Variants in NSMCE3 observed in about 807,000 individuals in gnomAD.
NSMCE3 encodes the protein NSE3 component of SMC5/6 complex.
For missense variants in NSMCE3, 452 were observed against 399.5 expected (o/e 1.13, Z -1.12); for synonymous variants, 214 against 172.2 (o/e 1.24, Z -1.90).
rs1596141631 is a variant in NSMCE3, at chr15:29,265,747, T to C, written c.*3044A>G. On this transcript the variant is annotated 3_prime_UTR_variant, in exon 1 of 1. Coordinates refer to ENST00000332303, the MANE Select transcript of NSMCE3 (RefSeq NM_138704.4). ...TACATGGGACATTGCTACAAAATAC[T>C]GAGTGTCATAAATCAGTGTGGAAAG... The C allele has an allele frequency of 6.6e-6, 1 of 152,324 alleles. No individual in the cohort carries two copies. Among genetic ancestry groups the C allele is most frequent in the East Asian group, 1.9e-4 (1 of 5,186 alleles). The allele number at this position is 152,324 out of a possible 1,614,324, so 9.4% of individuals were successfully genotyped here. A position where few individuals can be genotyped will look rare whatever the true frequency, so the allele number is the denominator to read the frequency against.
chr15:29,268,420 G>T lies in NSMCE3; in HGVS notation c.*371C>A. On this transcript the variant is annotated 3_prime_UTR_variant, in exon 1 of 1. Transcript: ENST00000332303. Reference sequence around the variant, plus strand: ...AAACTTTTATTTTTCCTTACAAACTGGGGTAGTTAGGAGACCTGATAATAG... The same window carrying T: ...AAACTTTTATTTTTCCTTACAAACTTGGGTAGTTAGGAGACCTGATAATAG... 4.6e-6 allele frequency: 1 copy of T among 217,952 alleles called. No homozygotes were observed. The allele number at this position is 217,952 out of a possible 1,614,324, so 13.5% of individuals were successfully genotyped here. A position where few individuals can be genotyped will look rare whatever the true frequency, so the allele number is the denominator to read the frequency against.
Position 29,268,740 on chromosome 15 carries a change from G to A in NSMCE3, c.*51C>T, listed in dbSNP as rs1397899714. The stretch of plus-strand genomic sequence containing the variant: ...CTCCCTTCCCCCAATCCTCTAAACT[G>A]TGCCTTTGGGTCTCAGACCCTTGTC... On this transcript the variant is annotated 3_prime_UTR_variant, in exon 1 of 1. Transcript: ENST00000332303. The A allele has an allele frequency of 1.3e-6, 2 of 1,538,224 alleles. No individual in the cohort carries two copies. The highest frequency in any genetic ancestry group is 8.8e-7 in the Non-Finnish European group (1 of 1,142,658).
chr15:29,269,719 G>A lies in NSMCE3; in HGVS notation c.-14C>T, dbSNP rs2153042524. On this transcript the variant is annotated 5_prime_UTR_variant, in exon 1 of 1. Transcript: ENST00000332303. The stretch of plus-strand genomic sequence containing the variant: ...TTTTTGCAACATGTCTCCGGCGGCA[G>A]GTGCCGGCGCACACTCCGGTAGGCA... 1.3e-6 allele frequency: 2 copies of A among 1,508,488 alleles called. No individual in the cohort carries two copies. Among genetic ancestry groups the A allele is most frequent in the Non-Finnish European group, 1.8e-6 (2 of 1,137,624 alleles). 93.4% of individuals were successfully genotyped at this position (1,508,488 alleles called of 1,614,324 possible).
chr15:29,266,370 C>CTA lies in NSMCE3; in HGVS notation c.*2420_*2421insTA, dbSNP rs1440293632. ...GTATAAAATGTTGATGGGAGTGTAA[C>CTA]TTGACACAAGCTCAAGAGCAGCTTG... On this transcript the variant is annotated 3_prime_UTR_variant, in exon 1 of 1. Coordinates refer to ENST00000332303, the MANE Select transcript of NSMCE3 (RefSeq NM_138704.4). 1 of 152,214 alleles carries CTA rather than the reference C, an allele frequency of 6.6e-6. No homozygotes were observed. Among genetic ancestry groups the CTA allele is most frequent in the African/African-American group, 2.4e-5 (1 of 41,446 alleles). 9.4% of individuals were successfully genotyped at this position (152,214 alleles called of 1,614,324 possible).
chr15:29,269,816 T>A lies in NSMCE3; in HGVS notation c.-111A>T. 1 of 1,019,678 alleles carries A rather than the reference T, an allele frequency of 9.8e-7. No homozygotes were observed. The highest frequency in any genetic ancestry group is 1.3e-6 in the Non-Finnish European group (1 of 747,132). 63.2% of individuals were successfully genotyped at this position (1,019,678 alleles called of 1,614,324 possible). ...GCCTGGAGGCGCGCGCAGTGTCGGC[T>A]GAGACTGCGTGCTGCGTCATGAAGC... On this transcript the variant is annotated 5_prime_UTR_variant, in exon 1 of 1. Transcript: ENST00000332303.
At position 29,267,907 on chromosome 15, in the gene NSMCE3, C is replaced by G. The variant is rs1385731525; in HGVS notation, c.*884G>C. 6.6e-6 allele frequency: 1 copy of G among 152,178 alleles called. No individual in the cohort carries two copies. The highest frequency in any genetic ancestry group is 1.9e-4 in the East Asian group (1 of 5,200). 9.4% of individuals were successfully genotyped at this position (152,178 alleles called of 1,614,324 possible). On this transcript the variant is annotated 3_prime_UTR_variant, in exon 1 of 1. Transcript: ENST00000332303. Reference sequence around the variant, plus strand: ...ATACTAGTTATGGTGGGGCCAGGATCTCAACCCAGACAGTCCGATTCCCAA... The same window carrying G: ...ATACTAGTTATGGTGGGGCCAGGATGTCAACCCAGACAGTCCGATTCCCAA...
chr15:29,269,791 G>T lies in NSMCE3; in HGVS notation c.-86C>A, dbSNP rs574534973. 20 of 1,255,190 alleles carry T rather than the reference G, an allele frequency of 1.6e-5. No individual in the cohort carries two copies. The highest frequency in any genetic ancestry group is 1.9e-5 in the Non-Finnish European group (18 of 957,958). 77.8% of individuals were successfully genotyped at this position (1,255,190 alleles called of 1,614,324 possible). A position where few individuals can be genotyped will look rare whatever the true frequency, so the allele number is the denominator to read the frequency against. ...GGGTCGGCGACCCGCTAACGCCGGT[G>T]CCTGGAGGCGCGCGCAGTGTCGGCT... On this transcript the variant is annotated 5_prime_UTR_variant, in exon 1 of 1. Transcript: ENST00000332303.
In NSMCE3 at chr15:29,267,167, TCA is replaced by T. The variant is rs2043497111; in HGVS notation, c.*1622_*1623del. 1 of 152,210 alleles carries T rather than the reference TCA, an allele frequency of 6.6e-6. No homozygotes were observed. Among genetic ancestry groups the T allele is most frequent in the Admixed American group, 6.5e-5 (1 of 15,286 alleles). 9.4% of individuals were successfully genotyped at this position (152,210 alleles called of 1,614,324 possible). A position where few individuals can be genotyped will look rare whatever the true frequency, so the allele number is the denominator to read the frequency against. On this transcript the variant is annotated 3_prime_UTR_variant, in exon 1 of 1. Coordinates refer to ENST00000332303, the MANE Select transcript of NSMCE3 (RefSeq NM_138704.4). The stretch of plus-strand genomic sequence containing the variant: ...AGTAACCTATCACATTCCTCCATAC[TCA>T]CTATAGACTCTTTTAAATGACATTC...
Position 29,265,959 on chromosome 15 carries a change from A to T in NSMCE3, c.*2832T>A, listed in dbSNP as rs1295552308. On this transcript the variant is annotated 3_prime_UTR_variant, in exon 1 of 1. Coordinates refer to ENST00000332303, the MANE Select transcript of NSMCE3 (RefSeq NM_138704.4). The stretch of plus-strand genomic sequence containing the variant: ...TAGGATTAGGGGAATTTTTTAAAGC[A>T]CTATACACAAATGTAGCTCTTATAA... 6.6e-6 allele frequency: 1 copy of T among 152,238 alleles called. No homozygotes were observed. Among genetic ancestry groups the T allele is most frequent in the Non-Finnish European group, 1.5e-5 (1 of 68,042 alleles). The allele number at this position is 152,238 out of a possible 1,614,324, so 9.4% of individuals were successfully genotyped here.
In NSMCE3 at chr15:29,268,798, G is replaced by C; in HGVS notation, c.908C>G (p.Ser303Cys). ...ARPQPSGPAP[S>C]S The stretch of plus-strand genomic sequence containing the variant: ...TCCCTCTGAATCCACCTTTCAAGAG[G>C]ATGGAGCTGGGCCACTAGGCTGAGG... Residue 303 changes from serine to cysteine, a missense_variant, in exon 1 of 1, where the codon TCC (serine) becomes TGC (cysteine). Ser to Cys is a moderately radical substitution (Grantham distance 112). Transcript: ENST00000332303. 6.2e-7 allele frequency: 1 copy of C among 1,605,724 alleles called. No homozygotes were observed. The highest frequency in any genetic ancestry group is 8.5e-7 in the Non-Finnish European group (1 of 1,174,476).
rs756181366 is a variant in NSMCE3, at chr15:29,269,412, A to G, written c.294T>C (p.Ile98=). The G allele has an allele frequency of 6.2e-7, 1 of 1,614,052 alleles. No homozygotes were observed. Among genetic ancestry groups the G allele is most frequent in the African/African-American group, 1.3e-5 (1 of 75,024 alleles). ...TGATCGGAATCTTCTTCTGGTCTTT[A>G]ATCAGCAAGAACTGCACCAGCTCGG... The part of the protein sequence containing the change: ...KVSELVQFLL[I]KDQKKIPIKR... Residue 98 remains isoleucine, a synonymous_variant, in exon 1 of 1, where the codon ATT becomes ATC. Coordinates refer to ENST00000332303, the MANE Select transcript of NSMCE3 (RefSeq NM_138704.4).
Position 29,265,567 on chromosome 15 carries a change from A to T in NSMCE3, c.*3224T>A, listed in dbSNP as rs957145391. The T allele has an allele frequency of 6.6e-6, 1 of 152,290 alleles. No homozygotes were observed. The highest frequency in any genetic ancestry group is 2.4e-5 in the African/African-American group (1 of 41,464). 9.4% of individuals were successfully genotyped at this position (152,290 alleles called of 1,614,324 possible). A position where few individuals can be genotyped will look rare whatever the true frequency, so the allele number is the denominator to read the frequency against. ...GGCAGGAGAATCGCTTGAATCCAGG[A>T]GGCAGAGATTGCACTGAGCCAAGAT... On this transcript the variant is annotated 3_prime_UTR_variant, in exon 1 of 1. Transcript: ENST00000332303.
chr15:29,269,753 C>T lies in NSMCE3; in HGVS notation c.-48G>A. 7.1e-7 allele frequency: 1 copy of T among 1,417,666 alleles called. No homozygotes were observed. Among genetic ancestry groups the T allele is most frequent in the Admixed American group, 3.5e-5 (1 of 28,602 alleles). 87.8% of individuals were successfully genotyped at this position (1,417,666 alleles called of 1,614,324 possible). The stretch of plus-strand genomic sequence containing the variant: ...GCACACTCCGGTAGGCAAGCAGCCG[C>T]GGCGGGGATTGCGGGTCGGCGACCC... On this transcript the variant is annotated 5_prime_UTR_variant, in exon 1 of 1. Coordinates refer to ENST00000332303, the MANE Select transcript of NSMCE3 (RefSeq NM_138704.4).
At position 29,265,889 on chromosome 15, in the gene NSMCE3, C is replaced by T. The variant is rs2153041286; in HGVS notation, c.*2902G>A. On this transcript the variant is annotated 3_prime_UTR_variant, in exon 1 of 1. Transcript: ENST00000332303. ...AAAGCATAAAATGTGAAGATCAAAA[C>T]TTTGAACACTTAGGGAAAAAAGGCA... 1 of 152,228 alleles carries T rather than the reference C, an allele frequency of 6.6e-6. No homozygotes were observed. Among genetic ancestry groups the T allele is most frequent in the South Asian group, 2.1e-4 (1 of 4,826 alleles). 9.4% of individuals were successfully genotyped at this position (152,228 alleles called of 1,614,324 possible).
chr15:29,269,512 G>A lies in NSMCE3; in HGVS notation c.194C>T (p.Pro65Leu), dbSNP rs776727229. 8.1e-6 allele frequency: 13 copies of A among 1,595,116 alleles called. No individual in the cohort carries two copies. The African/African-American group carries it at 1.2e-4, about 15-fold the overall frequency. Reference protein sequence around the residue: ...GGSQGSQGPSPQGARRAQAAP... With the variant: ...GGSQGSQGPSLQGARRAQAAP... ...GGCCTGGGCCCGGCGGGCGCCCTGA[G>A]GCGAGGGGCCCTGCGACCCCTGCGA... is the stretch of plus-strand genomic sequence containing the variant. Residue 65 changes from proline (P) to leucine (L), a missense_variant, in exon 1 of 1, where the codon CCT (proline) becomes CTT (leucine). Physicochemically the swap from Pro to Leu is moderately conservative, Grantham distance 98. Coordinates refer to ENST00000332303, the MANE Select transcript of NSMCE3 (RefSeq NM_138704.4).
chr15:29,269,436 G>A lies in NSMCE3; in HGVS notation c.270C>T (p.Ser90=), dbSNP rs769198016. 4.3e-6 allele frequency: 7 copies of A among 1,614,056 alleles called. No homozygotes were observed. Among genetic ancestry groups the A allele is most frequent in the Admixed American group, 1.7e-5 (1 of 60,028 alleles). ...RSQKQLELKV[S]ELVQFLLIKD... ...TAATCAGCAAGAACTGCACCAGCTC[G>A]GACACTTTCAGCTCCAGCTGCTTCT... is the stretch of plus-strand genomic sequence containing the variant. The change falls in exon 1 of 1, where the codon TCC becomes TCT. Residue 90 remains serine (S), a synonymous_variant. Transcript: ENST00000332303.
In NSMCE3 at chr15:29,267,969, G is replaced by A. The variant is rs1247489240; in HGVS notation, c.*822C>T. 6.6e-6 allele frequency: 1 copy of A among 152,098 alleles called. No individual in the cohort carries two copies. Among genetic ancestry groups the A allele is most frequent in the Non-Finnish European group, 1.5e-5 (1 of 68,026 alleles). 9.4% of individuals were successfully genotyped at this position (152,098 alleles called of 1,614,324 possible). A position where few individuals can be genotyped will look rare whatever the true frequency, so the allele number is the denominator to read the frequency against. ...TAATGGTTACGCTATTGTTTTATAA[G>A]CCTTTTTGAGATCCACAGTGAGAAA... On this transcript the variant is annotated 3_prime_UTR_variant, in exon 1 of 1. Coordinates refer to ENST00000332303, the MANE Select transcript of NSMCE3 (RefSeq NM_138704.4).
rs765664557 is a variant in NSMCE3 at position 29,269,103 on chromosome 15, A to G, written c.603T>C (p.Phe201=). 5.0e-6 allele frequency: 8 copies of G among 1,614,048 alleles called. No homozygotes were observed. The highest frequency in any genetic ancestry group is 3.3e-5 in the South Asian group (3 of 91,082). ...TGGGGTAGACCCCTAAGCGCCGCAG[A>G]AAGTCCCAGGCTTCAGTTTCCTTGA... is the stretch of plus-strand genomic sequence containing the variant. ...NTIKETEAWD[F]LRRLGVYPTK... Residue 201 remains phenylalanine, a synonymous_variant, in exon 1 of 1, where the codon TTT becomes TTC. Coordinates refer to ENST00000332303, the MANE Select transcript of NSMCE3 (RefSeq NM_138704.4).
rs910255063 is a variant in NSMCE3 at position 29,269,176 on chromosome 15, C to T, written c.530G>A (p.Gly177Asp). The change falls in exon 1 of 1, where the codon GGC becomes GAC. Residue 177 changes from glycine (G) to aspartate (D), a missense_variant. By Grantham distance (94) the Gly-to-Asp change is moderately conservative. Coordinates refer to ENST00000332303, the MANE Select transcript of NSMCE3 (RefSeq NM_138704.4). ...MRGDQGTPTT[G>D]LLMIVLGLIF... Reference sequence around the variant, plus strand: ...GAGCCCTAAGACGATCATCAGGAGGCCCGTAGTGGGCGTGCCTTGGTCACC... The same window carrying T: ...GAGCCCTAAGACGATCATCAGGAGGTCCGTAGTGGGCGTGCCTTGGTCACC... 2 of 1,613,998 alleles carry T rather than the reference C, an allele frequency of 1.2e-6. No homozygotes were observed. The highest frequency in any genetic ancestry group is 1.1e-5 in the South Asian group (1 of 91,084).
Sources: allele counts gnomAD v4.1 joint callset, GRCh38; gene constraint gnomAD v4.1.1; transcripts MANE v1.5; gene names NCBI Gene and HGNC (gene_info 2026-07-23, HGNC 2026-07-21).